Variants in CRYBG2 observed in about 807,000 individuals in gnomAD.
The protein encoded by CRYBG2 is beta/gamma crystallin domain-containing protein 2.
In CRYBG2, 106 loss-of-function variants were observed where a neutral mutation model predicts 153.4. The observed-to-expected ratio is 0.69, with a 90% CI of 0.59 to 0.81. The LOEUF (loss-of-function observed/expected upper bound fraction) is 0.81, where lower values mean the gene tolerates loss of function less well. Among genes scored for constraint, CRYBG2 ranks in the 30% least tolerant of loss-of-function variants. The pLI is 0.00. For missense variants in CRYBG2, 1,996 were observed against 2,112.0 expected (o/e 0.95, Z 1.08); for synonymous variants, 851 against 877.8 (o/e 0.97, Z 0.54).
chr1:26,344,304 A>G lies in CRYBG2; in HGVS notation c.2354T>C (p.Leu785Pro). The stretch of plus-strand genomic sequence containing the variant: ...GTAGGAGGAGCGAGGGGCTCGTGGC[A>G]GCCGGTGAGTGCGGAGGATCTCAGG... The part of the protein sequence containing the change: ...EPPEILRTHR[L>P]PRAPRSSYLS... The change falls in exon 2 of 20, where the codon CTG (leucine) becomes CCG (proline). Residue 785 changes from leucine (L) to proline (P), a missense_variant. By Grantham distance (98) the Leu-to-Pro change is moderately conservative. Transcript: ENST00000308182. 1 of 1,511,648 alleles carries G rather than the reference A, an allele frequency of 6.6e-7. No homozygotes were observed. The highest frequency in any genetic ancestry group is 8.8e-7 in the Non-Finnish European group (1 of 1,130,686). 93.6% of individuals were successfully genotyped at this position (1,511,648 alleles called of 1,614,324 possible).
chr1:26,336,427 T>C lies in CRYBG2; in HGVS notation c.4039-57A>G. ...AGGGTGCCGGCCCCTAGCCTTGTCTTCTCTAGGTTTCAGTACCGTCCACCC... is the reference window on the plus strand; with the variant it reads ...AGGGTGCCGGCCCCTAGCCTTGTCTCCTCTAGGTTTCAGTACCGTCCACCC... On this transcript the variant is annotated intron_variant, in intron 12 of 19. Transcript: ENST00000308182. The surrounding 1 kb of genome is among the most constrained non-coding windows in gnomAD (Gnocchi z 4.9). The C allele has an allele frequency of 6.3e-7, 1 of 1,598,232 alleles. No individual in the cohort carries two copies. The highest frequency in any genetic ancestry group is 8.5e-7 in the Non-Finnish European group (1 of 1,172,504).
intron 16 of CRYBG2, 200 bp downstream of exon 16, chr1:26,328,534 T>A: frequency 9.0e-7 from 1 of 1,113,608 alleles, no homozygotes; most frequent in Non-Finnish European, 1.2e-6. Flanking sequence ...AGAAGGATCC[T>A]GAGAAGCCCA....
In CRYBG2 at chr1:26,344,329, G is replaced by A; in HGVS notation, c.2329C>T (p.Pro777Ser). The A allele has an allele frequency of 6.7e-7, 1 of 1,503,258 alleles. No homozygotes were observed. The highest frequency in any genetic ancestry group is 8.9e-7 in the Non-Finnish European group (1 of 1,124,184). The allele number at this position is 1,503,258 out of a possible 1,614,324, so 93.1% of individuals were successfully genotyped here. Residue 777 changes from proline (P) to serine (S), a missense_variant, in exon 2 of 20, where the codon CCT becomes TCT. Transcript: ENST00000308182. ...FLDTLRSMEP[P>S]EILRTHRLPR... ...AGCCGGTGAGTGCGGAGGATCTCAG[G>A]GGGCTCCATGCTCCGCAGCGTATCC... is the stretch of plus-strand genomic sequence containing the variant.
intron 18 of CRYBG2, among the ~76,000 whole-genome samples, chr1:26,323,849 A>G (rs1432148458): frequency 6.6e-6 from 1 of 152,110 alleles, no homozygotes; most frequent in Non-Finnish European, 1.5e-5. Context: ...AAGTGTTGGG[A>G]TTATAGGCAT....
In CRYBG2 at chr1:26,339,464, A is replaced by T. The variant is rs553624529; in HGVS notation, c.3205-35T>A. On this transcript the variant is annotated intron_variant, in intron 5 of 19. Transcript: ENST00000308182. ...GAGGGGGAAAATTAAATATAGATAA[A>T]CAGCCAGGCGTGGTGGCTCACGCCT... 4.0e-5 allele frequency: 65 copies of T among 1,609,886 alleles called. 2 individuals are homozygous for T. In the South Asian group the frequency reaches 6.9e-4, roughly 17 times the overall value.
chr1:26,333,994 T>C (rs2124700170), intron 14 of CRYBG2, among the ~76,000 whole-genome samples: 1 of 152,218 alleles, frequency 6.6e-6, no homozygotes, highest in South Asian at 2.1e-4. Flanking sequence ...AATTAAAAAT[T>C]TTTTTGTCAA....
intron 6 of CRYBG2, 29 bp from the exon 7 acceptor site, chr1:26,338,506 C>G: frequency 6.4e-7 from 1 of 1,566,228 alleles, no homozygotes; most frequent in Non-Finnish European, 8.6e-7. Context: ...CTGCTGCACC[C>G]TAGCAGAGAG....
At position 26,336,563 on chromosome 1, in the gene CRYBG2, T is replaced by C; in HGVS notation, c.4038+43A>G. ...GGGCGGGGCGCACCCGAACTCCAGG[T>C]CCCGCCACCGGGGAGGCCCCGCCCC... On this transcript the variant is annotated intron_variant, in intron 12 of 19. Coordinates refer to ENST00000308182, the MANE Select transcript of CRYBG2 (RefSeq NM_001039775.4). The surrounding 1 kb of genome is among the most constrained non-coding windows in gnomAD (Gnocchi z 4.9). 1.3e-6 allele frequency: 2 copies of C among 1,540,706 alleles called. No homozygotes were observed. The highest frequency in any genetic ancestry group is 1.8e-6 in the Non-Finnish European group (2 of 1,142,652).
rs371096608 is a variant in CRYBG2 at position 26,328,167 on chromosome 1, C to T, written c.4578+42G>A. The T allele has an allele frequency of 1.4e-5, 22 of 1,547,252 alleles. No individual in the cohort carries two copies. In the East Asian group the frequency reaches 1.7e-4, roughly 12 times the overall value. On this transcript the variant is annotated intron_variant, in intron 17 of 19. Coordinates refer to ENST00000308182, the MANE Select transcript of CRYBG2 (RefSeq NM_001039775.4). ...TCATCCAGAAAGGCCTGCCCAGACA[C>T]GCTCAGCCCCAGACACGCTCAGCTC...
rs574710902 is a variant in CRYBG2, at chr1:26,336,642, G to C, written c.4002C>G (p.Gly1334=). Residue 1334 remains glycine, a synonymous_variant, in exon 12 of 20, where the codon GGC becomes GGG. Transcript: ENST00000308182. The surrounding 1 kb of genome is among the most constrained non-coding windows in gnomAD (Gnocchi z 4.9). ...GCTGCAGCGAGGCGAGGGTGCTGTT[G>C]CCAGCGCCCCAGTCCTCGCAGTTAC... ...VYRNCEDWGA[G]NSTLASLQPV... 2.6e-6 allele frequency: 4 copies of C among 1,550,762 alleles called. No individual in the cohort carries two copies. In the East Asian group the frequency reaches 9.8e-5, roughly 38 times the overall value.
In CRYBG2 at chr1:26,322,301, TG is replaced by T. The variant is rs1205594266; in HGVS notation, c.4759del (p.Gln1587ArgfsTer2). 12 of 1,612,824 alleles carry T rather than the reference TG, an allele frequency of 7.4e-6. No homozygotes were observed. The Admixed American group carries it at 1.3e-4, about 18-fold the overall frequency. On this transcript the variant is annotated frameshift_variant, in exon 19 of 20. Coordinates refer to ENST00000308182, the MANE Select transcript of CRYBG2 (RefSeq NM_001039775.4). LOFTEE classifies it high-confidence loss of function. ...KNQMAPTMSLQVIGPPSPGSK... is the reference protein window; with the variant it reads ...KNQMAPTMSLXVIGPPSPGSK... ...GCCTGGGCTAGGGGGTCCAATCACCTGTAGGCTCATGGTGGGGGCCATCTGA... is the reference window on the plus strand; with the variant it reads ...GCCTGGGCTAGGGGGTCCAATCACCTTAGGCTCATGGTGGGGGCCATCTGA...
chr1:26,330,223 C>A (rs1468019317), intron 15 of CRYBG2, among the ~76,000 whole-genome samples: 1 of 152,148 alleles, frequency 6.6e-6, no homozygotes, highest in Non-Finnish European at 1.5e-5. Context: ...TCTTCAACAA[C>A]CCTATAAGGT....
chr1:26,336,183 A>G lies in CRYBG2; in HGVS notation c.4096T>C (p.Phe1366Leu). Reference sequence around the variant, plus strand: ...TCGAAAGAGAAGTGGTCGCCCAGAAAGTCGGGGCGGGAGAAAAGCTGAATC... The same window carrying G: ...TCGAAAGAGAAGTGGTCGCCCAGAAGGTCGGGGCGGGAGAAAAGCTGAATC... Reference protein sequence around the residue: ...SKIQLFSRPDFLGDHFSFEDD... With the variant: ...SKIQLFSRPDLLGDHFSFEDD... Residue 1366 changes from phenylalanine to leucine, a missense_variant, in exon 14 of 20, where the codon TTT becomes CTT. Coordinates refer to ENST00000308182, the MANE Select transcript of CRYBG2 (RefSeq NM_001039775.4). This position sits in a 1 kb window ranked among gnomAD's most constrained non-coding sequence, Gnocchi z 4.9. 1 of 1,551,220 alleles carries G rather than the reference A, an allele frequency of 6.4e-7. No individual in the cohort carries two copies. Among genetic ancestry groups the G allele is most frequent in the Non-Finnish European group, 8.7e-7 (1 of 1,145,258 alleles).
Position 26,344,315 on chromosome 1 carries a change from G to A in CRYBG2, c.2343C>T (p.Arg781=). 1 of 1,507,212 alleles carries A rather than the reference G, an allele frequency of 6.6e-7. No homozygotes were observed. 93.4% of individuals were successfully genotyped at this position (1,507,212 alleles called of 1,614,324 possible). A position where few individuals can be genotyped will look rare whatever the true frequency, so the allele number is the denominator to read the frequency against. ...GAGGGGCTCGTGGCAGCCGGTGAGTGCGGAGGATCTCAGGGGGCTCCATGC... is the reference window on the plus strand; with the variant it reads ...GAGGGGCTCGTGGCAGCCGGTGAGTACGGAGGATCTCAGGGGGCTCCATGC... The part of the protein sequence containing the change: ...LRSMEPPEIL[R]THRLPRAPRS... The change falls in exon 2 of 20, where the codon CGC becomes CGT. Residue 781 remains arginine (R), a synonymous_variant. Transcript: ENST00000308182.
chr1:26,336,044 G>T lies in CRYBG2; in HGVS notation c.4184+51C>A. On this transcript the variant is annotated intron_variant, in intron 14 of 19. Coordinates refer to ENST00000308182, the MANE Select transcript of CRYBG2 (RefSeq NM_001039775.4). The surrounding 1 kb of genome is among the most constrained non-coding windows in gnomAD (Gnocchi z 4.9). Reference sequence around the variant, plus strand: ...TCATTTGAAAGACTCTCCTCCTGCAGCCCCGCCTCTGCCCCAGCGCCCCCA... The same window carrying T: ...TCATTTGAAAGACTCTCCTCCTGCATCCCCGCCTCTGCCCCAGCGCCCCCA... 2 of 1,357,498 alleles carry T rather than the reference G, an allele frequency of 1.5e-6. No individual in the cohort carries two copies. The highest frequency in any genetic ancestry group is 2.0e-6 in the Non-Finnish European group (2 of 1,016,548). The allele number at this position is 1,357,498 out of a possible 1,614,324, so 84.1% of individuals were successfully genotyped here.
intron 17 of CRYBG2, among the ~76,000 whole-genome samples, chr1:26,326,185 C>G (rs1318979885): frequency 1.3e-5 from 2 of 152,074 alleles, no homozygotes; most frequent in Non-Finnish European, 2.9e-5. Flanking sequence ...AGCCACCGCA[C>G]CCAGCCTATA....
intron 17 of CRYBG2, 138 bp downstream of exon 17, chr1:26,328,071 G>T (rs1048923742): frequency 7.4e-6 from 9 of 1,224,106 alleles, no homozygotes; most frequent in Non-Finnish European, 7.7e-6. Flanking sequence ...GGCTCAAGAG[G>T]AATGACGATG....
At chr1:26,326,284 AC>A (rs2124692130) in intron 17 of CRYBG2, among the ~76,000 whole-genome samples, 1 of 152,158 alleles carries the variant, frequency 6.6e-6, no homozygotes, top group South Asian at 2.1e-4. Context: ...ACACCTGTAA[AC>A]CCAGCACTTT....
chr1:26,340,564 C>T (rs1363076477), intron 5 of CRYBG2, among the ~76,000 whole-genome samples: 2 of 152,104 alleles, frequency 1.3e-5, no homozygotes, highest in African/African-American at 4.8e-5. Flanking sequence ...ATTAATTGTC[C>T]ACAAACATTT....
Sources: allele counts gnomAD v4.1 joint callset (sites outside exome capture counted in the v4.1 genomes callset), GRCh38; gene constraint gnomAD v4.1.1; non-coding constraint Gnocchi (gnomAD v3.1); transcripts MANE v1.5; gene names NCBI Gene and HGNC (gene_info 2026-07-23, HGNC 2026-07-21).